The following ASTN1 variants were observed in gnomAD, a reference collection of about 807,000 sequenced individuals.
ASTN1 encodes astrotactin 1.
In ASTN1, 41 loss-of-function variants were observed where a neutral mutation model predicts 140.7. The observed-to-expected ratio is 0.29, with a 90% CI of 0.23 to 0.38. The LOEUF is 0.38. Ranked by LOEUF, ASTN1 falls within the 10% of genes least tolerant of loss-of-function variation. The pLI, the probability that ASTN1 is intolerant of heterozygous loss-of-function variation, is 1.00. For missense variants in ASTN1, 1,479 were observed against 1,678.8 expected (o/e 0.88, Z 2.08); for synonymous variants, 640 against 652.2 (o/e 0.98, Z 0.29).
At chr1:176,996,435 C>G (rs538783931) in intron 8 of ASTN1, among the ~76,000 whole-genome samples, 1 of 152,060 alleles carries the variant, frequency 6.6e-6, no homozygotes, top group Non-Finnish European at 1.5e-5. Flanking sequence ...CCTTCCCAAC[C>G]CCCATCCCAT....
intron 17 of ASTN1, among the ~76,000 whole-genome samples, chr1:176,888,675 C>A (rs996054008): frequency 6.6e-6 from 1 of 152,184 alleles, no homozygotes; most frequent in Admixed American, 6.5e-5. Flanking sequence ...TGCTTTCTAA[C>A]CTGCTTGCAA....
chr1:177,150,181 T>C (rs998549320), intron 1 of ASTN1, among the ~76,000 whole-genome samples: 2 of 151,954 alleles, frequency 1.3e-5, no homozygotes, highest in Admixed American at 1.3e-4. Context: ...GGAAATTCAG[T>C]TGGGAGCTTA....
chr1:177,114,501 T>C (rs1680982819), intron 1 of ASTN1, among the ~76,000 whole-genome samples: 2 of 152,156 alleles, frequency 1.3e-5, no homozygotes, highest in African/African-American at 2.4e-5. Context: ...TAAAAAGTAA[T>C]GTAGAATTAT....
chr1:176,952,546 C>T (rs968163920), intron 11 of ASTN1, among the ~76,000 whole-genome samples: 9 of 151,988 alleles, frequency 5.9e-5, no homozygotes, highest in Non-Finnish European at 8.8e-5. Flanking sequence ...TTTGGGAACC[C>T]GAACACACAT....
At chr1:177,062,615 T>C (rs903426277) in intron 1 of ASTN1, among the ~76,000 whole-genome samples, 5 of 149,600 alleles carry the variant, frequency 3.3e-5, no homozygotes, top group Admixed American at 6.7e-5. Context: ...AAAATAATAA[T>C]AATTTCACAG....
intron 1 of ASTN1, among the ~76,000 whole-genome samples, chr1:177,109,046 CAG>C (rs1680687737): frequency 6.6e-6 from 1 of 152,030 alleles, no homozygotes; most frequent in African/African-American, 2.4e-5. Flanking sequence ...CAACAGAGTG[CAG>C]AGTTATCTGA....
chr1:176,923,990 G>T (rs1383581782), intron 16 of ASTN1, among the ~76,000 whole-genome samples: 3 of 152,076 alleles, frequency 2.0e-5, no homozygotes, highest in South Asian at 2.1e-4. Context: ...AAGATAAAAT[G>T]CCTGGTAAAT....
intron 1 of ASTN1, among the ~76,000 whole-genome samples, chr1:177,162,698 C>A (rs940286113): frequency 6.6e-6 from 1 of 152,210 alleles, no homozygotes; most frequent in Non-Finnish European, 1.5e-5. Flanking sequence ...GAGTGCAAAA[C>A]AGCCTCTTTA....
chr1:176,904,333 G>A (rs1669895555), intron 16 of ASTN1, among the ~76,000 whole-genome samples: 1 of 152,224 alleles, frequency 6.6e-6, no homozygotes. Flanking sequence ...TCCTGCTGCC[G>A]AGCAGCAGCT....
intron 8 of ASTN1, among the ~76,000 whole-genome samples, chr1:177,003,420 A>C (rs1257151371): frequency 6.6e-6 from 1 of 152,182 alleles, no homozygotes; most frequent in African/African-American, 2.4e-5. Context: ...GATGCAGAAA[A>C]AATTTGATAA....
intron 22 of ASTN1, among the ~76,000 whole-genome samples, chr1:176,864,797 C>T (rs1440264895): frequency 6.6e-6 from 1 of 152,186 alleles, no homozygotes; most frequent in East Asian, 1.9e-4. Context: ...AGTGGAAATG[C>T]ATGGCTTTTA....
intron 8 of ASTN1, among the ~76,000 whole-genome samples, chr1:176,999,262 C>T (rs184915104): frequency 3.0e-4 from 46 of 152,236 alleles, no homozygotes; most frequent in Middle Eastern, 3.4e-3. Context: ...AATAAAGAAT[C>T]CAAAGATGTC....
intron 2 of ASTN1, among the ~76,000 whole-genome samples, chr1:177,034,258 CA>C (rs1676599318): frequency 6.6e-6 from 1 of 151,346 alleles, no homozygotes; most frequent in Non-Finnish European, 1.5e-5. Flanking sequence ...CACACACACA[CA>C]CACACACACA....
intron 8 of ASTN1, among the ~76,000 whole-genome samples, chr1:176,987,798 A>G (rs963850159): frequency 2.6e-5 from 4 of 152,186 alleles, no homozygotes; most frequent in African/African-American, 9.7e-5. Context: ...TCAAATTTTA[A>G]AGGCAATGGA....
rs979645217 is a variant in ASTN1 at position 176,861,812 on chromosome 1, A to C, written c.*2472T>G. 1.0e-6 allele frequency: 1 copy of C among 985,356 alleles called. No individual in the cohort carries two copies. The highest frequency in any genetic ancestry group is 1.7e-5 in the African/African-American group (1 of 57,230). 61.0% of individuals were successfully genotyped at this position (985,356 alleles called of 1,614,324 possible). A position where few individuals can be genotyped will look rare whatever the true frequency, so the allele number is the denominator to read the frequency against. On this transcript the variant is annotated 3_prime_UTR_variant, in exon 23 of 23. Coordinates refer to ENST00000361833, the MANE Select transcript of ASTN1 (RefSeq NM_004319.3). ...TCACAGAAAGAAGAAGTAAAAGACA[A>C]AGATAAAGAAGGTAGAGGAACTTGG...
intron 1 of ASTN1, among the ~76,000 whole-genome samples, chr1:177,066,126 C>T: frequency 6.6e-6 from 1 of 152,142 alleles, no homozygotes; most frequent in Non-Finnish European, 1.5e-5. Context: ...ATATCTCAAA[C>T]CATGTCAAAC....
intron 8 of ASTN1, among the ~76,000 whole-genome samples, chr1:176,996,348 G>C (rs1161191639): frequency 6.6e-6 from 1 of 151,668 alleles, no homozygotes; most frequent in Non-Finnish European, 1.5e-5. Context: ...GAAAGAGAAA[G>C]AGATTTCTAA....
chr1:177,144,008 C>T (rs1168743083), intron 1 of ASTN1, among the ~76,000 whole-genome samples: 1 of 152,044 alleles, frequency 6.6e-6, no homozygotes, highest in African/African-American at 2.4e-5. Flanking sequence ...TGACAGTGAA[C>T]AAGTTTCCAG....
intron 9 of ASTN1, among the ~76,000 whole-genome samples, chr1:176,959,171 T>A (rs553870414): frequency 2.3e-4 from 35 of 152,154 alleles, no homozygotes; most frequent in Non-Finnish European, 1.5e-4. Context: ...AGGGAGAGCT[T>A]AAGAAAACCA....
Sources: gnomAD v4.1 joint callset for allele counts (sites outside exome capture counted in the v4.1 genomes callset) on GRCh38, gnomAD v4.1.1 for gene constraint, MANE v1.5 for transcripts, NCBI Gene and HGNC (gene_info 2026-07-23, HGNC 2026-07-21) for gene names.